The following EFCAB6 variants were observed in gnomAD, a reference collection of about 807,000 sequenced individuals.
The protein encoded by EFCAB6 is EF-hand calcium binding domain 6.
EFCAB6 carries 156 observed loss-of-function variants against 169.8 expected under a neutral mutation model. The ratio of observed to expected loss-of-function variants is 0.92; its 90% CI spans 0.81 to 1.05. EFCAB6 has a LOEUF of 1.05. EFCAB6 is among the 50% of genes least tolerant of loss of function. The pLI, the probability that EFCAB6 is intolerant of heterozygous loss-of-function variation, is 0.00. For synonymous variants in EFCAB6, 698 were observed against 676.4 expected (o/e 1.03, Z -0.50); for missense variants, 1,800 against 1,829.1 (o/e 0.98, Z 0.29).
At chr22:43,593,178 C>T (rs542577652) in intron 23 of EFCAB6, among the ~76,000 whole-genome samples, 2 of 152,110 alleles carry the variant, frequency 1.3e-5, no homozygotes, top group South Asian at 2.1e-4. Flanking sequence ...TTTTACAAGC[C>T]GATATTTTTG....
intron 18 of EFCAB6, among the ~76,000 whole-genome samples, chr22:43,633,318 G>A (rs1044261482): frequency 8.5e-5 from 13 of 152,240 alleles, no homozygotes; most frequent in African/African-American, 3.1e-4. Flanking sequence ...GGGAGGCCAA[G>A]GTGGGCGGAT....
intron 24 of EFCAB6, among the ~76,000 whole-genome samples, chr22:43,584,029 C>T (rs2050897949): frequency 1.3e-5 from 2 of 152,218 alleles, no homozygotes; most frequent in African/African-American, 2.4e-5. Context: ...ACAATATTTA[C>T]ATAGTTATAA....
At chr22:43,675,722 C>T (rs1050733419) in intron 13 of EFCAB6, among the ~76,000 whole-genome samples, 26 of 146,004 alleles carry the variant, frequency 1.8e-4, no homozygotes, top group African/African-American at 5.5e-4. Flanking sequence ...AAAGCAGGTA[C>T]CAAGATGTAA....
Position 43,555,009 on chromosome 22 carries a change from G to A in EFCAB6, c.3508C>T (p.Leu1170Phe), listed in dbSNP as rs1602229771. 6.2e-7 allele frequency: 1 copy of A among 1,614,252 alleles called. No individual in the cohort carries two copies. Among genetic ancestry groups the A allele is most frequent in the South Asian group, 1.1e-5 (1 of 91,086 alleles). Residue 1170 changes from leucine to phenylalanine, a missense_variant, in exon 27 of 32, where the codon CTC (leucine) becomes TTC (phenylalanine). Leu to Phe is a conservative substitution (Grantham distance 22, BLOSUM62 0). Coordinates refer to ENST00000262726, the MANE Select transcript of EFCAB6 (RefSeq NM_022785.4). The stretch of plus-strand genomic sequence containing the variant: ...TAATGGGAAGTCACTGCTTTGTGGA[G>A]GCGAGCCAGGATGTCTCTGTCGGCT... ...ATADRDILAR[L>F]HKAVTSHYHA...
intron 19 of EFCAB6, among the ~76,000 whole-genome samples, chr22:43,630,238 C>T (rs899212324): frequency 1.3e-5 from 2 of 152,204 alleles, no homozygotes; most frequent in African/African-American, 2.4e-5. Flanking sequence ...CAAGTCCTCA[C>T]GAGCCCCGGA....
At chr22:43,754,507 C>T (rs2060885318) in intron 6 of EFCAB6, among the ~76,000 whole-genome samples, 1 of 152,214 alleles carries the variant, frequency 6.6e-6, no homozygotes, top group Non-Finnish European at 1.5e-5. Flanking sequence ...ATTACCTTTT[C>T]CCTTCACCTG....
intron 21 of EFCAB6, among the ~76,000 whole-genome samples, chr22:43,611,947 T>C (rs2053337206): frequency 1.3e-5 from 2 of 152,202 alleles, no homozygotes; most frequent in South Asian, 2.1e-4. Context: ...AGTATGGTAC[T>C]GGTACAAAAA....
intron 10 of EFCAB6, among the ~76,000 whole-genome samples, chr22:43,710,083 C>T (rs1254392200): frequency 6.6e-6 from 1 of 152,198 alleles, no homozygotes; most frequent in African/African-American, 2.4e-5. Context: ...AGCTTCTACT[C>T]TATTTCCCCC....
At chr22:43,692,061 C>T (rs2058431673) in intron 10 of EFCAB6, among the ~76,000 whole-genome samples, 1 of 152,134 alleles carries the variant, frequency 6.6e-6, no homozygotes, top group African/African-American at 2.4e-5. Flanking sequence ...AGAAGAAATC[C>T]TGGAAGAGAA....
At chr22:43,587,405 T>TA (rs1349038953) in intron 24 of EFCAB6, among the ~76,000 whole-genome samples, 1 of 152,250 alleles carries the variant, frequency 6.6e-6, no homozygotes, top group Non-Finnish European at 1.5e-5. Context: ...TTGATTCTCT[T>TA]ACAGTTCTGG....
chr22:43,598,758 T>A (rs12484662), intron 23 of EFCAB6, among the ~76,000 whole-genome samples: 9,646 of 152,186 alleles, frequency 0.063, 369 homozygotes, highest in Admixed American at 0.097. Context: ...CATGTAACCA[T>A]AAATATATGC....
intron 8 of EFCAB6, among the ~76,000 whole-genome samples, chr22:43,720,070 T>C (rs569734279): frequency 9.2e-5 from 14 of 152,344 alleles, no homozygotes; most frequent in African/African-American, 3.4e-4. Flanking sequence ...ACTAATTTAC[T>C]GTAATAAACA....
At chr22:43,636,628 T>C (rs2055419314) in intron 17 of EFCAB6, among the ~76,000 whole-genome samples, 1 of 148,902 alleles carries the variant, frequency 6.7e-6, no homozygotes, top group African/African-American at 2.5e-5. Context: ...TTTTTTTTTT[T>C]GAGACAGAGT....
At chr22:43,579,420 G>GTACATGCAGGCATCATTCCC (rs1569190852) in intron 25 of EFCAB6, among the ~76,000 whole-genome samples, 3 of 95,220 alleles carry the variant, frequency 3.2e-5, no homozygotes, top group Non-Finnish European at 6.3e-5. Flanking sequence ...GCATCATTCT[G>GTACATGCAGGCATCATTCCC]TACATGCAGG....
intron 17 of EFCAB6, among the ~76,000 whole-genome samples, chr22:43,650,061 G>A (rs1179146015): frequency 6.6e-6 from 1 of 152,216 alleles, no homozygotes; most frequent in African/African-American, 2.4e-5. Context: ...AGAAGACTAA[G>A]TAGGCAGGAA....
intron 6 of EFCAB6, among the ~76,000 whole-genome samples, chr22:43,747,198 T>G (rs2060596268): frequency 6.6e-6 from 1 of 152,244 alleles, no homozygotes; most frequent in South Asian, 2.1e-4. Flanking sequence ...AGACTTTGTC[T>G]GTCGTCTCCC....
At chr22:43,565,955 G>A (rs2049394629) in intron 26 of EFCAB6, among the ~76,000 whole-genome samples, 2 of 150,942 alleles carry the variant, frequency 1.3e-5, no homozygotes, top group African/African-American at 4.9e-5. Flanking sequence ...ATCTTCATTT[G>A]TATTTACAGT....
rs149787926 is a variant in EFCAB6 at position 43,713,981 on chromosome 22, T to G, written c.883-2358A>C. Among the ~76,000 whole-genome samples, 66 of 152,232 alleles carry G rather than the reference T, an allele frequency of 4.3e-4. No homozygotes were observed. In the East Asian group the frequency reaches 0.011, roughly 26 times the overall value. On this transcript the variant is annotated intron_variant, in intron 9 of 31. Coordinates refer to ENST00000262726, the MANE Select transcript of EFCAB6 (RefSeq NM_022785.4). ...TATAAAAGAATATGAACACATCCCC[T>G]GCAAAAATTTCATGCCACAAAAAGG...
At chr22:43,557,891 A>T (rs1201615974) in intron 26 of EFCAB6, among the ~76,000 whole-genome samples, 3 of 152,260 alleles carry the variant, frequency 2.0e-5, no homozygotes, top group Non-Finnish European at 4.4e-5. Context: ...AGTGAAGGCC[A>T]CATGTCAACA....
Sources: allele counts gnomAD v4.1 joint callset (sites outside exome capture counted in the v4.1 genomes callset), GRCh38; gene constraint gnomAD v4.1.1; transcripts MANE v1.5; gene names NCBI Gene and HGNC (gene_info 2026-07-23, HGNC 2026-07-21).